The following CDADC1 variants were observed in gnomAD, a reference collection of about 807,000 sequenced individuals.
CDADC1 encodes the protein dCTP deaminase.
Under a neutral mutation model 54.9 loss-of-function variants are expected in CDADC1, and 39 were observed. The ratio of observed to expected loss-of-function variants is 0.71; its 90% CI spans 0.55 to 0.93. The LOEUF (loss-of-function observed/expected upper bound fraction) is 0.93, where lower values mean the gene tolerates loss of function less well. CDADC1 is among the 40% of genes least tolerant of loss of function. The pLI is 0.00. For missense variants in CDADC1, 518 were observed against 618.8 expected (o/e 0.84, Z 1.73); for synonymous variants, 186 against 204.0 (o/e 0.91, Z 0.75).
At chr13:49,273,514 TTC>T (rs1450033013) in intron 5 of CDADC1, among the ~76,000 whole-genome samples, 1 of 152,244 alleles carries the variant, frequency 6.6e-6, no homozygotes, top group Non-Finnish European at 1.5e-5. Context: ...TTTTTTAATT[TTC>T]TGTTTCAGAT....
chr13:49,256,042 T>C (rs1593793219), intron 3 of CDADC1, 129 bp downstream of exon 3: 2 of 1,333,922 alleles, frequency 1.5e-6, no homozygotes, highest in African/African-American at 1.5e-5. Context: ...AAAAATGGTC[T>C]GTATATTTAC....
At chr13:49,257,416 A>T (rs1952570322) in intron 3 of CDADC1, among the ~76,000 whole-genome samples, 1 of 152,184 alleles carries the variant, frequency 6.6e-6, no homozygotes, top group Non-Finnish European at 1.5e-5. Context: ...ACGTTGGTTC[A>T]ATTTAACAAT....
chr13:49,266,983 C>T (rs1317461190), intron 4 of CDADC1, among the ~76,000 whole-genome samples: 1 of 152,176 alleles, frequency 6.6e-6, no homozygotes, highest in Non-Finnish European at 1.5e-5. Context: ...GATCACACTT[C>T]ACAACACCAG....
chr13:49,282,236 G>GGTTTTTTTTTTTTTTTTTT (rs1555315245), intron 8 of CDADC1, among the ~76,000 whole-genome samples: 2 of 94,140 alleles, frequency 2.1e-5, no homozygotes, highest in Non-Finnish European at 4.1e-5. Context: ...GTTTTTGTGG[G>GGTTTTTTTTTTTTTTTTTT]TTTTTTTTTT....
At chr13:49,274,800 G>A (rs565963232) in intron 6 of CDADC1, among the ~76,000 whole-genome samples, 6 of 152,288 alleles carry the variant, frequency 3.9e-5, no homozygotes, top group African/African-American at 1.4e-4. Flanking sequence ...CTCTCTACAG[G>A]TTAGGCACTG....
At chr13:49,259,586 T>TA in intron 4 of CDADC1, 63 bp downstream of exon 4, 1 of 1,504,070 alleles carries the variant, frequency 6.6e-7, no homozygotes, top group Non-Finnish European at 9.1e-7. Flanking sequence ...CGTGGTGGTT[T>TA]ATGCCTGTCA....
chr13:49,257,991 A>G (rs897483782), intron 3 of CDADC1, among the ~76,000 whole-genome samples: 3 of 152,296 alleles, frequency 2.0e-5, no homozygotes, highest in Admixed American at 6.5e-5. Context: ...GGTTTTTCAT[A>G]TTTTATATAC....
intron 5 of CDADC1, among the ~76,000 whole-genome samples, chr13:49,272,212 A>AT (rs547240827): frequency 2.6e-4 from 40 of 152,202 alleles, no homozygotes; most frequent in Admixed American, 4.6e-4. Context: ...CTGGTTTTTT[A>AT]TTTTTTCATT....
intron 5 of CDADC1, among the ~76,000 whole-genome samples, chr13:49,269,515 A>C (rs1952910914): frequency 6.6e-6 from 1 of 152,210 alleles, no homozygotes; most frequent in African/African-American, 2.4e-5. Flanking sequence ...ATATGACCCC[A>C]AACAATTGCA....
At chr13:49,267,420 G>T in intron 4 of CDADC1, 70 bp from the exon 5 acceptor site, 1 of 1,225,576 alleles carries the variant, frequency 8.2e-7, no homozygotes, top group Non-Finnish European at 1.2e-6. Flanking sequence ...CAATGATAGG[G>T]TGGATTTTAT....
chr13:49,288,451 G>A (rs991443664), intron 9 of CDADC1, among the ~76,000 whole-genome samples: 6 of 152,084 alleles, frequency 3.9e-5, no homozygotes, highest in African/African-American at 1.4e-4. Context: ...ATGCCTATTT[G>A]CAGTCACTCC....
chr13:49,248,071 A>G lies in CDADC1; in HGVS notation c.34A>G (p.Ser12Gly), dbSNP rs948606826. The change falls in exon 1 of 10, where the codon AGC becomes GGC. Residue 12 changes from serine (S) to glycine (G), a missense_variant. Physicochemically the swap from Ser to Gly is moderately conservative, Grantham distance 56. Coordinates refer to ENST00000251108, the MANE Select transcript of CDADC1 (RefSeq NM_030911.4). ...AGCTGGGCAGATGCAAAATCTGGAG[A>G]GCGCGAGGGCCGGGCGGTCAGTCAG... is the stretch of plus-strand genomic sequence containing the variant. ...KEAGQMQNLE[S>G]ARAGRSVSTQ... 17 of 1,553,902 alleles carry G rather than the reference A, an allele frequency of 1.1e-5. No homozygotes were observed. The highest frequency in any genetic ancestry group is 1.4e-5 in the Non-Finnish European group (16 of 1,148,392).
intron 9 of CDADC1, among the ~76,000 whole-genome samples, chr13:49,290,304 A>C (rs1953665536): frequency 6.6e-6 from 1 of 151,988 alleles, no homozygotes; most frequent in African/African-American, 2.4e-5. Flanking sequence ...AGTTTTAAAC[A>C]AACTGTAACT....
At chr13:49,260,863 T>G (rs1477423245) in intron 4 of CDADC1, among the ~76,000 whole-genome samples, 1 of 152,220 alleles carries the variant, frequency 6.6e-6, no homozygotes, top group African/African-American at 2.4e-5. Context: ...ATATTTGGTC[T>G]CAGAGGAGAA....
chr13:49,289,611 A>T (rs536318983), intron 9 of CDADC1, among the ~76,000 whole-genome samples: 14 of 152,362 alleles, frequency 9.2e-5, no homozygotes, highest in African/African-American at 3.4e-4. Context: ...ACTACCATAT[A>T]GCAGTGAAAA....
chr13:49,291,546 T>C, intron 9 of CDADC1, 138 bp from the exon 10 acceptor site: 2 of 735,708 alleles, frequency 2.7e-6, no homozygotes, highest in South Asian at 2.4e-5. Context: ...TTCTCTACAA[T>C]TGAGAATTTG....
At chr13:49,286,134 A>G in intron 8 of CDADC1, 88 bp from the exon 9 acceptor site, 4 of 1,095,190 alleles carry the variant, frequency 3.7e-6, no homozygotes, top group Non-Finnish European at 5.5e-6. Context: ...CATTTTTAAG[A>G]AGTTGTTTTG....
chr13:49,262,303 C>T (rs1467830171), intron 4 of CDADC1, among the ~76,000 whole-genome samples: 4 of 151,840 alleles, frequency 2.6e-5, no homozygotes, highest in Admixed American at 1.3e-4. Context: ...ATTAGCTAGG[C>T]GTGGTGGTGC....
intron 9 of CDADC1, among the ~76,000 whole-genome samples, chr13:49,287,615 A>G (rs149293918): frequency 1.8e-3 from 276 of 152,320 alleles, no homozygotes; most frequent in Non-Finnish European, 3.3e-3. Context: ...AAAGGATACA[A>G]AAAGCACGAA....
Sources: gnomAD v4.1 joint callset for allele counts (sites outside exome capture counted in the v4.1 genomes callset) on GRCh38, gnomAD v4.1.1 for gene constraint, MANE v1.5 for transcripts, NCBI Gene and HGNC (gene_info 2026-07-23, HGNC 2026-07-21) for gene names.